The following DOCK2 variants were observed in gnomAD, a reference collection of about 807,000 sequenced individuals.
The protein encoded by DOCK2 is dedicator of cytokinesis protein 2.
A neutral mutation model predicts 248.9 loss-of-function variants in DOCK2; 87 were observed. The observed-to-expected ratio is 0.35, with a 90% CI of 0.29 to 0.42. DOCK2 has a LOEUF of 0.42. DOCK2 is among the 10% of genes least tolerant of loss of function. The pLI, the probability that DOCK2 is intolerant of heterozygous loss-of-function variation, is 1.00. For synonymous variants in DOCK2, 805 were observed against 821.6 expected (o/e 0.98, Z 0.35); for missense variants, 1,747 against 2,300.2 (o/e 0.76, Z 4.92).
intron 27 of DOCK2, among the ~76,000 whole-genome samples, chr5:169,909,179 G>A (rs1221638725): frequency 2.0e-5 from 3 of 152,208 alleles, no homozygotes; most frequent in African/African-American, 7.2e-5. Context: ...CAGCTATGAT[G>A]TGCTGTCCAG....
rs1006345081 is a variant in DOCK2 at position 169,763,432 on chromosome 5, T to C, written c.2554+1807T>C. On this transcript the variant is annotated intron_variant, in intron 25 of 51. Coordinates refer to ENST00000520908, the MANE Select transcript of DOCK2 (RefSeq NM_004946.3). This position sits in a 1 kb window ranked among gnomAD's most constrained non-coding sequence, Gnocchi z 4.1. Reference sequence around the variant, plus strand: ...CAGCAGGGAGTGGGCTGCTTGGCTCTTCTTCATTGTTCAGAGCTGCTGTCA... The same window carrying C: ...CAGCAGGGAGTGGGCTGCTTGGCTCCTCTTCATTGTTCAGAGCTGCTGTCA... 6.6e-6 allele frequency among the ~76,000 whole-genome samples: 1 copy of C among 152,258 alleles called. No homozygotes were observed.
intron 1 of DOCK2, among the ~76,000 whole-genome samples, chr5:169,637,605 T>G (rs1257304852): frequency 6.6e-6 from 1 of 152,134 alleles, no homozygotes; most frequent in Non-Finnish European, 1.5e-5. Flanking sequence ...TGAGGGAACC[T>G]TAGACATTTC....
intron 25 of DOCK2, among the ~76,000 whole-genome samples, chr5:169,775,379 A>C (rs1389359013): frequency 6.6e-6 from 1 of 152,196 alleles, no homozygotes; most frequent in African/African-American, 2.4e-5. Context: ...GCAGTGAGGC[A>C]GGGCCATGTC....
chr5:169,732,392 G>A (rs779402809), intron 22 of DOCK2, among the ~76,000 whole-genome samples: 5 of 151,986 alleles, frequency 3.3e-5, no homozygotes, highest in African/African-American at 7.3e-5. Context: ...ATGCATCCAC[G>A]CCCGTTGCTT....
intron 33 of DOCK2, among the ~76,000 whole-genome samples, chr5:170,024,740 C>T (rs1349101908): frequency 6.6e-6 from 1 of 152,156 alleles, no homozygotes; most frequent in Non-Finnish European, 1.5e-5. Flanking sequence ...CAAACCAAGT[C>T]TATTCAATGC....
chr5:169,647,434 G>T (rs1305633543), intron 1 of DOCK2, among the ~76,000 whole-genome samples: 1 of 152,134 alleles, frequency 6.6e-6, no homozygotes, highest in Non-Finnish European at 1.5e-5. Context: ...GGCCTTATAG[G>T]ATTCAGATGG....
At chr5:169,868,800 T>C (rs537832913) in intron 27 of DOCK2, among the ~76,000 whole-genome samples, 2 of 152,246 alleles carry the variant, frequency 1.3e-5, no homozygotes, top group Admixed American at 6.5e-5. Context: ...GATTCTAGAA[T>C]GTGTATGGAA....
Position 169,710,430 on chromosome 5 carries a change from A to G in DOCK2, c.1483-1505A>G, listed in dbSNP as rs190280636. Among the ~76,000 whole-genome samples the G allele has an allele frequency of 2.7e-3, 407 of 152,364 alleles. 1 individual carries two copies. The highest frequency in any genetic ancestry group is 0.01 in the Middle Eastern group (3 of 294). ...AGAGCTTGCAAGCCAATGTGAGCCT[A>G]TCACAGGCTGTATAATGCCTGAAAG... is the stretch of plus-strand genomic sequence containing the variant. On this transcript the variant is annotated intron_variant, in intron 15 of 51. Transcript: ENST00000520908.
intron 27 of DOCK2, among the ~76,000 whole-genome samples, chr5:169,950,101 G>A (rs1490718698): frequency 6.6e-6 from 1 of 152,184 alleles, no homozygotes; most frequent in African/African-American, 2.4e-5. Flanking sequence ...ACCATTCTCA[G>A]TAGATGGTGG....
rs371403140 is a variant in DOCK2 at position 170,067,379 on chromosome 5, T to A, written c.4468-131T>A. On this transcript the variant is annotated intron_variant, in intron 44 of 51. Transcript: ENST00000520908. ...CCCCCAGAGCTCAGTAATTACAAGATCCTGTTACAGCCCCTTAGGGAGCAT... is the reference window on the plus strand; with the variant it reads ...CCCCCAGAGCTCAGTAATTACAAGAACCTGTTACAGCCCCTTAGGGAGCAT... 2,143 of 865,534 alleles carry A rather than the reference T, an allele frequency of 2.5e-3. 36 individuals carry two copies. The highest frequency in any genetic ancestry group is 0.024 in the South Asian group (1,218 of 50,988). 53.6% of individuals were successfully genotyped at this position (865,534 alleles called of 1,614,324 possible).
At chr5:170,081,593 G>A in intron 50 of DOCK2, 1 of 508,238 alleles carries the variant, frequency 2.0e-6, no homozygotes, top group South Asian at 2.7e-5. Context: ...AGGGCTTTGG[G>A]GCAAGGTTTT....
At position 169,699,409 on chromosome 5, in the gene DOCK2, C is replaced by T. The variant is rs2113457939; in HGVS notation, c.1083C>T (p.His361=). 2 of 1,613,388 alleles carry T rather than the reference C, an allele frequency of 1.2e-6. No individual in the cohort carries two copies. The highest frequency in any genetic ancestry group is 1.7e-6 in the Non-Finnish European group (2 of 1,179,550). Reference sequence around the variant, plus strand: ...TTACAGCTGAGAATGACTTCCTACACAGCCTGCTGGGCAAAGTCATAGCCT... The same window carrying T: ...TTACAGCTGAGAATGACTTCCTACATAGCCTGCTGGGCAAAGTCATAGCCT... ...HPVTAENDFL[H]SLLGKVIASK... is the part of the protein sequence containing the mutation. Residue 361 remains histidine, a synonymous_variant, in exon 12 of 52, where the codon CAC becomes CAT. Transcript: ENST00000520908.
chr5:169,696,446 TCTCC>T (rs1406594332), intron 10 of DOCK2, among the ~76,000 whole-genome samples: 1 of 152,192 alleles, frequency 6.6e-6, no homozygotes, highest in Non-Finnish European at 1.5e-5. Context: ...AAGCTTTAGC[TCTCC>T]TGGGGTTTCT....
chr5:169,950,345 G>A (rs964312574), intron 27 of DOCK2, among the ~76,000 whole-genome samples: 2 of 152,192 alleles, frequency 1.3e-5, no homozygotes, highest in African/African-American at 4.8e-5. Flanking sequence ...TATATGCAAA[G>A]CGCTTAGTGT....
intron 44 of DOCK2, among the ~76,000 whole-genome samples, chr5:170,060,996 C>G (rs148247137): frequency 0.043 from 6,486 of 152,150 alleles, 272 homozygotes; most frequent in African/African-American, 0.11. Flanking sequence ...TGCCATTGCA[C>G]TCCAGCCCGG....
intron 27 of DOCK2, among the ~76,000 whole-genome samples, chr5:169,893,219 C>T (rs1372484486): frequency 1.3e-5 from 2 of 152,202 alleles, no homozygotes; most frequent in Non-Finnish European, 1.5e-5. Flanking sequence ...GTACATTCAC[C>T]CCTCTAGCCA....
At chr5:169,809,396 C>T (rs1767601002) in intron 26 of DOCK2, among the ~76,000 whole-genome samples, 1 of 152,206 alleles carries the variant, frequency 6.6e-6, no homozygotes, top group Non-Finnish European at 1.5e-5. Context: ...TCTCATCTTT[C>T]TCTGCAGGTA....
chr5:170,008,239 C>A (rs1238531808), intron 30 of DOCK2, among the ~76,000 whole-genome samples: 1 of 145,704 alleles, frequency 6.9e-6, no homozygotes, highest in Non-Finnish European at 1.5e-5. Context: ...AAAAAAAAAA[C>A]CTAAAATTCT....
At chr5:169,878,609 G>A (rs1772462035) in intron 27 of DOCK2, among the ~76,000 whole-genome samples, 1 of 152,188 alleles carries the variant, frequency 6.6e-6, no homozygotes, top group African/African-American at 2.4e-5. Context: ...ACCAAACTCA[G>A]ATTTTCCCCT....
Sources: allele counts gnomAD v4.1 joint callset (sites outside exome capture counted in the v4.1 genomes callset), GRCh38; gene constraint gnomAD v4.1.1; non-coding constraint Gnocchi (gnomAD v3.1); transcripts MANE v1.5; gene names NCBI Gene and HGNC (gene_info 2026-07-23, HGNC 2026-07-21).